LRRIQ1: variants seen among roughly 807,000 people sequenced by gnomAD.
LRRIQ1 encodes leucine rich repeats and IQ motif containing 1.
In LRRIQ1, 210 loss-of-function variants were observed where a neutral mutation model predicts 211.9. That is an observed-to-expected ratio of 0.99 (90% CI 0.89 to 1.11). The LOEUF (loss-of-function observed/expected upper bound fraction) is 1.11. LRRIQ1 is among the 50% of genes most tolerant of loss of function. The pLI, the probability that LRRIQ1 is intolerant of heterozygous loss-of-function variation, is 0.00. For missense variants in LRRIQ1, 2,136 were observed against 1,939.5 expected (o/e 1.10, Z -1.90); for synonymous variants, 699 against 650.1 (o/e 1.08, Z -1.14).
chr12:85,083,640 A>G (rs960893969), intron 11 of LRRIQ1, among the ~76,000 whole-genome samples: 2 of 152,028 alleles, frequency 1.3e-5, no homozygotes, highest in South Asian at 2.1e-4. Context: ...GGGTTTCACC[A>G]TGTTGGCCAG....
intron 23 of LRRIQ1, among the ~76,000 whole-genome samples, chr12:85,154,442 C>T (rs564086624): frequency 6.6e-6 from 1 of 151,328 alleles, no homozygotes; most frequent in African/African-American, 2.4e-5. Context: ...CTTTTGCGTG[C>T]TTTTAAATTG....
chr12:85,168,988 T>A (rs1488768823), intron 24 of LRRIQ1, among the ~76,000 whole-genome samples: 1 of 152,174 alleles, frequency 6.6e-6, no homozygotes, highest in African/African-American at 2.4e-5. Flanking sequence ...ACAACACCAC[T>A]CACTATGTTT....
intron 24 of LRRIQ1, among the ~76,000 whole-genome samples, chr12:85,210,769 T>G (rs1893800919): frequency 1.5e-5 from 2 of 134,048 alleles, no homozygotes; most frequent in African/African-American, 8.3e-5. Context: ...AGACTATTTT[T>G]TAAAAAATGT....
At chr12:85,122,933 C>G (rs1412437942) in intron 16 of LRRIQ1, among the ~76,000 whole-genome samples, 3 of 151,844 alleles carry the variant, frequency 2.0e-5, no homozygotes, top group African/African-American at 7.3e-5. Flanking sequence ...AAATGTAGTC[C>G]TTTGGAACTT....
intron 24 of LRRIQ1, among the ~76,000 whole-genome samples, chr12:85,171,716 T>TA (rs938557409): frequency 6.6e-6 from 1 of 152,130 alleles, no homozygotes; most frequent in African/African-American, 2.4e-5. Flanking sequence ...GTTGGGCCCA[T>TA]AATCCAATAG....
At chr12:85,235,021 A>T (rs534629735) in intron 26 of LRRIQ1, among the ~76,000 whole-genome samples, 19 of 152,338 alleles carry the variant, frequency 1.2e-4, no homozygotes, top group Admixed American at 6.5e-5. Context: ...AGTTATAGGG[A>T]TGAGTATCAT....
At chr12:85,137,078 G>A (rs11116724) in intron 18 of LRRIQ1, among the ~76,000 whole-genome samples, 33,080 of 150,838 alleles carry the variant, frequency 0.22, 4,293 homozygotes, top group Admixed American at 0.31. Context: ...TATAATTCGA[G>A]CTTTTTAAAA....
At chr12:85,065,185 GT>G in intron 8 of LRRIQ1, 76 bp from the exon 9 acceptor site, 1 of 1,226,048 alleles carries the variant, frequency 8.2e-7, no homozygotes, top group Non-Finnish European at 1.1e-6. Context: ...TTTCTAAACA[GT>G]TTTGTAAGGC....
intron 24 of LRRIQ1, among the ~76,000 whole-genome samples, chr12:85,162,565 A>G (rs1272373268): frequency 6.6e-6 from 1 of 152,182 alleles, no homozygotes. Context: ...ATCTTGTTCT[A>G]TTAAATGTGA....
chr12:85,176,704 G>T (rs921983967), intron 24 of LRRIQ1, among the ~76,000 whole-genome samples: 2 of 150,480 alleles, frequency 1.3e-5, no homozygotes, highest in East Asian at 2.0e-4. Context: ...TAACTAACCT[G>T]CACAATGTGC....
rs185673728 is a variant in LRRIQ1, at chr12:85,222,092, G to T, written c.4823-7425G>T. Among the ~76,000 whole-genome samples, 5 of 152,272 alleles carry T rather than the reference G, an allele frequency of 3.3e-5. No individual in the cohort carries two copies. In the East Asian group the frequency reaches 9.6e-4, roughly 29 times the overall value. On this transcript the variant is annotated intron_variant, in intron 24 of 26. Transcript: ENST00000393217. ...ATCAGTGCCACACTCTGCTTTCTCA[G>T]TTGTAAATTAATGATAGTGATAGCA...
At chr12:85,174,833 C>A (rs1166968800) in intron 24 of LRRIQ1, among the ~76,000 whole-genome samples, 1 of 151,660 alleles carries the variant, frequency 6.6e-6, no homozygotes, top group East Asian at 1.9e-4. Context: ...GGACCATTTT[C>A]CAGGCCCACT....
intron 19 of LRRIQ1, among the ~76,000 whole-genome samples, chr12:85,148,442 CT>C (rs1890032587): frequency 1.3e-5 from 2 of 151,808 alleles, no homozygotes; most frequent in Non-Finnish European, 2.9e-5. Context: ...AGGATGATGG[CT>C]TCCAGTTTCA....
At chr12:85,226,234 C>T (rs1044253219) in intron 24 of LRRIQ1, among the ~76,000 whole-genome samples, 2 of 152,112 alleles carry the variant, frequency 1.3e-5, no homozygotes, top group Non-Finnish European at 2.9e-5. Flanking sequence ...TTTTTAAGAA[C>T]AGGAAGACTG....
chr12:85,145,839 T>A (rs563231521), intron 19 of LRRIQ1, among the ~76,000 whole-genome samples: 10 of 151,888 alleles, frequency 6.6e-5, no homozygotes, highest in African/African-American at 2.4e-4. Context: ...ATGAACATCT[T>A]TGGAAAGATA....
At chr12:85,132,864 G>T (rs915488214) in intron 18 of LRRIQ1, among the ~76,000 whole-genome samples, 1 of 152,048 alleles carries the variant, frequency 6.6e-6, no homozygotes, top group African/African-American at 2.4e-5. Context: ...ATTTATCTCT[G>T]TGGTAGCTTG....
chr12:85,153,854 A>C (rs1303733831), intron 22 of LRRIQ1, 96 bp downstream of exon 22: 5 of 945,376 alleles, frequency 5.3e-6, no homozygotes, highest in Non-Finnish European at 7.7e-6. Context: ...TACCTATATT[A>C]GTTTTTTATA....
At chr12:85,209,758 AT>A (rs1893745439) in intron 24 of LRRIQ1, among the ~76,000 whole-genome samples, 1 of 152,146 alleles carries the variant, frequency 6.6e-6, no homozygotes, top group Non-Finnish European at 1.5e-5. Flanking sequence ...AGCAAAAAAA[AT>A]ATTATCTAGG....
At position 85,137,847 on chromosome 12, in the gene LRRIQ1, T is replaced by C. The variant is rs765961778; in HGVS notation, c.4210-3T>C. On this transcript the variant is annotated splice_region_variant and splice_polypyrimidine_tract_variant and intron_variant, in intron 18 of 26. Transcript: ENST00000393217. Reference sequence around the variant, plus strand: ...GTATAACATACTTTACATTTTTGTTTAGGCAGTTTGGAAGGGCTTTATTTT... The same window carrying C: ...GTATAACATACTTTACATTTTTGTTCAGGCAGTTTGGAAGGGCTTTATTTT... 1.9e-6 allele frequency: 3 copies of C among 1,583,030 alleles called. No individual in the cohort carries two copies. Among genetic ancestry groups the C allele is most frequent in the South Asian group, 2.3e-5 (2 of 85,894 alleles).
Sources: gnomAD v4.1 joint callset for allele counts (sites outside exome capture counted in the v4.1 genomes callset) on GRCh38, gnomAD v4.1.1 for gene constraint, MANE v1.5 for transcripts, NCBI Gene and HGNC (gene_info 2026-07-23, HGNC 2026-07-21) for gene names.